LRRC27: variants seen among roughly 807,000 people sequenced by gnomAD.
LRRC27 encodes leucine-rich repeat-containing protein 27.
A neutral mutation model predicts 55.0 loss-of-function variants in LRRC27; 57 were observed. The ratio of observed to expected loss-of-function variants is 1.04; its 90% CI spans 0.84 to 1.29. LRRC27 has a LOEUF of 1.29. Among genes scored for constraint, LRRC27 ranks in the 50% most tolerant of loss-of-function variants. The probability of loss-of-function intolerance (pLI) is 0.00; values close to 1 mark genes in which losing one functional copy is unlikely to be tolerated. For synonymous variants in LRRC27, 278 were observed against 251.9 expected (o/e 1.10, Z -0.98); for missense variants, 721 against 651.5 (o/e 1.11, Z -1.16).
At chr10:132,367,979 C>T (rs1244937154) in intron 10 of LRRC27, among the ~76,000 whole-genome samples, 1 of 152,146 alleles carries the variant, frequency 6.6e-6, no homozygotes, top group Non-Finnish European at 1.5e-5. Flanking sequence ...ACAAAAATTT[C>T]CTGAAACTAA....
intron 3 of LRRC27, among the ~76,000 whole-genome samples, chr10:132,340,039 A>G (rs2067329127): frequency 2.6e-5 from 4 of 152,208 alleles, no homozygotes; most frequent in Admixed American, 2.6e-4. Context: ...CATAATTAAA[A>G]CAGTGACGGT....
At chr10:132,360,377 T>C (rs2068555438) in intron 8 of LRRC27, among the ~76,000 whole-genome samples, 1 of 152,134 alleles carries the variant, frequency 6.6e-6, no homozygotes, top group Non-Finnish European at 1.5e-5. Context: ...ATTACAGGTG[T>C]GAGCCACTGC....
upstream of LRRC27, chr10:132,331,894 A>AT: frequency 1.1e-6 from 1 of 886,746 alleles, no homozygotes; most frequent in African/African-American, 2.2e-5. Flanking sequence ...ACCCCCTGCC[A>AT]CCCCCGCGCA....
intron 5 of LRRC27, among the ~76,000 whole-genome samples, chr10:132,345,232 G>A (rs2067621322): frequency 6.6e-6 from 1 of 152,190 alleles, no homozygotes; most frequent in African/African-American, 2.4e-5. Flanking sequence ...GAATCATAAT[G>A]AAGCCTTGCC....
At chr10:132,336,881 G>A in intron 2 of LRRC27, 1 of 718,948 alleles carries the variant, frequency 1.4e-6, no homozygotes, top group Non-Finnish European at 2.5e-6. Context: ...AATTAGCTAT[G>A]ATCCTTCCAC....
intron 3 of LRRC27, 129 bp downstream of exon 3, chr10:132,337,824 A>C: frequency 8.9e-7 from 1 of 1,122,432 alleles, no homozygotes; most frequent in Non-Finnish European, 1.2e-6. Flanking sequence ...TAGTATTTTT[A>C]AAGCCAGCTA....
Position 132,348,998 on chromosome 10 carries a change from T to A in LRRC27, c.926+642T>A, listed in dbSNP as rs1465982416. The stretch of plus-strand genomic sequence containing the variant: ...CCTAGGAAACAGGCTCTGCAGAGAC[T>A]ACATGAGAGAAAAACTCGAATCATG... On this transcript the variant is annotated intron_variant, in intron 6 of 10. Coordinates refer to ENST00000368614, the MANE Select transcript of LRRC27 (RefSeq NM_030626.3). The surrounding 1 kb of genome is among the most constrained non-coding windows in gnomAD (Gnocchi z 4.2). The A allele has an allele frequency of 6.2e-7, 1 of 1,611,230 alleles. No homozygotes were observed. The highest frequency in any genetic ancestry group is 8.5e-7 in the Non-Finnish European group (1 of 1,178,710).
intron 4 of LRRC27, among the ~76,000 whole-genome samples, chr10:132,344,266 T>G (rs1425615713): frequency 6.6e-6 from 1 of 152,230 alleles, no homozygotes; most frequent in African/African-American, 2.4e-5. Flanking sequence ...TGCTTCTGTT[T>G]GTTTGATTTT....
chr10:132,354,458 G>T (rs898687421), intron 7 of LRRC27, among the ~76,000 whole-genome samples: 2 of 152,160 alleles, frequency 1.3e-5, no homozygotes, highest in African/African-American at 4.8e-5. Flanking sequence ...CACCACACAT[G>T]GTGCTAAGTG....
At chr10:132,364,456 CACACCCACCCACACTT>C (rs1219697474) in intron 9 of LRRC27, among the ~76,000 whole-genome samples, 3,271 of 26,898 alleles carry the variant, frequency 0.12, 78 homozygotes, top group Middle Eastern at 0.23. Context: ...CACCCACACT[CACACCCACCCACACTT>C]ACACCCACCC....
chr10:132,364,647 C>CACTCACACCCACGCTTACATCTACCT (rs2068926986), intron 9 of LRRC27, among the ~76,000 whole-genome samples: 1 of 111,678 alleles, frequency 9.0e-6, no homozygotes, highest in Non-Finnish European at 1.9e-5. Flanking sequence ...TTAACACCCA[C>CACTCACACCCACGCTTACATCTACCT]CCACACTTAC....
chr10:132,365,607 T>C (rs1313157691), intron 10 of LRRC27, 57 bp downstream of exon 10: 3 of 1,574,836 alleles, frequency 1.9e-6, no homozygotes, highest in African/African-American at 2.7e-5. Flanking sequence ...TTTTGTTTTG[T>C]TTTTGTTTTT....
At chr10:132,355,100 C>T (rs2068248289) in intron 7 of LRRC27, among the ~76,000 whole-genome samples, 1 of 152,164 alleles carries the variant, frequency 6.6e-6, no homozygotes, top group Non-Finnish European at 1.5e-5. Flanking sequence ...TTTTTTGAGA[C>T]AGTCTTGCTC....
intron 8 of LRRC27, among the ~76,000 whole-genome samples, chr10:132,356,210 A>G (rs1197597087): frequency 6.6e-6 from 1 of 152,156 alleles, no homozygotes; most frequent in Admixed American, 6.5e-5. Flanking sequence ...TTAGAAGCTC[A>G]AAGAGGGAAG....
chr10:132,347,961 A>C, intron 5 of LRRC27, 23 bp from the exon 6 acceptor site: 1 of 1,569,060 alleles, frequency 6.4e-7, no homozygotes, highest in Non-Finnish European at 8.6e-7. Flanking sequence ...GGTAGCTACT[A>C]AAGCGGTTTC....
chr10:132,331,753 C>G, upstream of LRRC27: 3 of 1,611,270 alleles, frequency 1.9e-6, no homozygotes, highest in Non-Finnish European at 2.5e-6. Flanking sequence ...CTCTTCCTTC[C>G]CCTCTGTGCC....
In LRRC27 at chr10:132,333,795, T is replaced by C. The variant is rs1471694786; in HGVS notation, c.210+61T>C. 6 of 1,288,078 alleles carry C rather than the reference T, an allele frequency of 4.7e-6. No homozygotes were observed. In the African/African-American group the frequency reaches 8.9e-5, roughly 19 times the overall value. 79.8% of individuals were successfully genotyped at this position (1,288,078 alleles called of 1,614,324 possible). A position where few individuals can be genotyped will look rare whatever the true frequency, so the allele number is the denominator to read the frequency against. On this transcript the variant is annotated intron_variant, in intron 2 of 10. Coordinates refer to ENST00000368614, the MANE Select transcript of LRRC27 (RefSeq NM_030626.3). The stretch of plus-strand genomic sequence containing the variant: ...GGTCCCCTATAGACAGAAATGGGAA[T>C]GTACCCCTGGGCTTTATTTGTAGGC...
At chr10:132,332,006 G>A (rs540897089), upstream of LRRC27, 74 of 374,818 alleles carry the variant, frequency 2.0e-4, 2 homozygotes, top group African/African-American at 1.4e-3. Context: ...CCGACCCCCT[G>A]CCGCGCAGGG....
intron 8 of LRRC27, among the ~76,000 whole-genome samples, chr10:132,360,629 G>A (rs920868514): frequency 6.6e-6 from 1 of 152,192 alleles, no homozygotes; most frequent in Non-Finnish European, 1.5e-5. Flanking sequence ...CTAAGTGTCA[G>A]GCATGTACTA....
Sources: allele counts gnomAD v4.1 joint callset (sites outside exome capture counted in the v4.1 genomes callset), GRCh38; gene constraint gnomAD v4.1.1; non-coding constraint Gnocchi (gnomAD v3.1); transcripts MANE v1.5; gene names NCBI Gene and HGNC (gene_info 2026-07-23, HGNC 2026-07-21).